The following UBE2H variants were observed in gnomAD, a reference collection of about 807,000 sequenced individuals.
UBE2H encodes ubiquitin conjugating enzyme E2 H.
Under a neutral mutation model 29.0 loss-of-function variants are expected in UBE2H, and 3 were observed. The observed-to-expected ratio is 0.10, with a 90% CI of 0.05 to 0.27. UBE2H has a LOEUF of 0.27. UBE2H is among the 10% of genes least tolerant of loss of function. The pLI is 1.00. For synonymous variants in UBE2H, 69 were observed against 82.9 expected (o/e 0.83, Z 0.91); for missense variants, 68 against 228.2 (o/e 0.30, Z 4.52).
At chr7:129,872,350 A>G (rs1005186614) in intron 3 of UBE2H, among the ~76,000 whole-genome samples, 1 of 152,172 alleles carries the variant, frequency 6.6e-6, no homozygotes, top group African/African-American at 2.4e-5. Context: ...CTAGGAAGAC[A>G]TAAGATAAAA....
intron 1 of UBE2H, among the ~76,000 whole-genome samples, chr7:129,924,616 T>TCACACACACACACACACACA (rs147228151): frequency 6.9e-5 from 10 of 143,922 alleles, no homozygotes; most frequent in African/African-American, 2.3e-4. Context: ...CCTTTTACAT[T>TCACACACACACACACACACA]CACACACACA....
intron 3 of UBE2H, among the ~76,000 whole-genome samples, chr7:129,868,441 G>A (rs1315055500): frequency 1.3e-5 from 2 of 149,890 alleles, no homozygotes; most frequent in Admixed American, 6.7e-5. Flanking sequence ...TTAGCCAGGC[G>A]CGGTGGCGGG....
intron 1 of UBE2H, among the ~76,000 whole-genome samples, chr7:129,906,752 A>C (rs1251904219): frequency 1.3e-5 from 2 of 152,208 alleles, no homozygotes; most frequent in African/African-American, 4.8e-5. Context: ...GAAGGAAACC[A>C]ATGAGATACA....
chr7:129,855,861 C>T (rs1369476881), intron 5 of UBE2H, among the ~76,000 whole-genome samples: 1 of 152,128 alleles, frequency 6.6e-6, no homozygotes, highest in East Asian at 1.9e-4. Flanking sequence ...CGCACCACTG[C>T]ATTCCAGCCT....
At chr7:129,839,912 G>A in intron 5 of UBE2H, among the ~76,000 whole-genome samples, 1 of 152,160 alleles carries the variant, frequency 6.6e-6, no homozygotes, top group Non-Finnish European at 1.5e-5. Context: ...GTTTCACCAT[G>A]TTGGTCAGGA....
At chr7:129,878,497 C>T (rs1806190271) in intron 3 of UBE2H, among the ~76,000 whole-genome samples, 1 of 151,934 alleles carries the variant, frequency 6.6e-6, no homozygotes, top group Non-Finnish European at 1.5e-5. Context: ...TCCTGGCTAA[C>T]ACAGTGGAAC....
chr7:129,878,714 C>T (rs1392761008), intron 3 of UBE2H, among the ~76,000 whole-genome samples: 1 of 146,418 alleles, frequency 6.8e-6, no homozygotes, highest in Admixed American at 6.8e-5. Flanking sequence ...AAGCCCACAG[C>T]AGTAGCAAAA....
At chr7:129,877,658 A>T (rs2116364504) in intron 3 of UBE2H, among the ~76,000 whole-genome samples, 1 of 152,352 alleles carries the variant, frequency 6.6e-6, no homozygotes, top group South Asian at 2.1e-4. Flanking sequence ...GAAGAAGTTA[A>T]ATTAGCTTAG....
At chr7:129,857,471 G>T in intron 5 of UBE2H, 40 bp downstream of exon 5, 2 of 1,586,434 alleles carry the variant, frequency 1.3e-6, no homozygotes, top group Non-Finnish European at 1.7e-6. Context: ...TTTAGGCAAT[G>T]TCTCAACATC....
At chr7:129,858,860 C>G in intron 4 of UBE2H, 42 bp downstream of exon 4, 1 of 1,565,788 alleles carries the variant, frequency 6.4e-7, no homozygotes. Flanking sequence ...TAATCATGAG[C>G]AGTTGCTGCT....
chr7:129,845,842 AAGG>A (rs1396364634), intron 5 of UBE2H, among the ~76,000 whole-genome samples: 2 of 152,176 alleles, frequency 1.3e-5, no homozygotes, highest in African/African-American at 2.4e-5. Flanking sequence ...TTCACTGCAA[AAGG>A]AGAAGTATAA....
intron 1 of UBE2H, among the ~76,000 whole-genome samples, chr7:129,927,646 A>G (rs1213318788): frequency 1.3e-5 from 2 of 152,240 alleles, no homozygotes; most frequent in Non-Finnish European, 2.9e-5. Context: ...AATTAAAACC[A>G]CATCTTATAA....
rs773112480 is a variant in UBE2H, at chr7:129,839,401, A to G, written c.299-66T>C. 1.4e-5 allele frequency: 22 copies of G among 1,602,878 alleles called. No individual in the cohort carries two copies. In the Admixed American group the frequency reaches 3.1e-4, roughly 22 times the overall value. ...GTTCACCTAAAATTCACTTGCATTCAGTAGTCAAGCTGCTTACCTTCTTAG... is the reference window on the plus strand; with the variant it reads ...GTTCACCTAAAATTCACTTGCATTCGGTAGTCAAGCTGCTTACCTTCTTAG... On this transcript the variant is annotated intron_variant, in intron 5 of 6. Transcript: ENST00000355621.
chr7:129,893,120 A>T (rs1056619800), intron 1 of UBE2H, among the ~76,000 whole-genome samples: 5 of 152,212 alleles, frequency 3.3e-5, no homozygotes, highest in African/African-American at 1.2e-4. Flanking sequence ...AATTTTACAG[A>T]GTCAACTGGT....
At chr7:129,928,557 T>C (rs1807320255) in intron 1 of UBE2H, among the ~76,000 whole-genome samples, 1 of 152,170 alleles carries the variant, frequency 6.6e-6, no homozygotes, top group Non-Finnish European at 1.5e-5. Context: ...GAGCCGAGAT[T>C]GCACCAATGC....
rs73471913 is a variant in UBE2H, at chr7:129,919,723, A to T, written c.53+32780T>A. Among the ~76,000 whole-genome samples the T allele has an allele frequency of 6.8e-3, 1,029 of 152,306 alleles. 11 individuals are homozygous for T. Among genetic ancestry groups the T allele is most frequent in the African/African-American group, 0.023 (972 of 41,562 alleles). On this transcript the variant is annotated intron_variant, in intron 1 of 6. Transcript: ENST00000355621. ...GGGAGACAAAGTTCATCTCTCTCCT[A>T]GAATGCAAGCTCCCTAGAATAGGAA...
chr7:129,880,384 T>C (rs981850433), intron 2 of UBE2H, among the ~76,000 whole-genome samples: 6 of 152,086 alleles, frequency 3.9e-5, no homozygotes, highest in Admixed American at 6.5e-5. Context: ...CAGGCACCTA[T>C]AGTCCCAGCT....
chr7:129,909,798 T>G (rs1365855795), intron 1 of UBE2H, among the ~76,000 whole-genome samples: 2 of 152,132 alleles, frequency 1.3e-5, no homozygotes, highest in Non-Finnish European at 2.9e-5. Flanking sequence ...ATACAAACAG[T>G]TCTAGGATCT....
At chr7:129,910,380 T>C (rs778397273) in intron 1 of UBE2H, among the ~76,000 whole-genome samples, 1 of 151,382 alleles carries the variant, frequency 6.6e-6, no homozygotes, top group Non-Finnish European at 1.5e-5. Context: ...AGGGACTCTG[T>C]AGAAGAGTTA....
Sources: gnomAD v4.1 joint callset for allele counts (sites outside exome capture counted in the v4.1 genomes callset) on GRCh38, gnomAD v4.1.1 for gene constraint, MANE v1.5 for transcripts, NCBI Gene and HGNC (gene_info 2026-07-23, HGNC 2026-07-21) for gene names.